MPP7: variants seen among roughly 807,000 people sequenced by gnomAD.
The protein encoded by MPP7 is MAGUK p55 scaffold protein 7, also known as MAGUK p55 subfamily member 7.
Under a neutral mutation model 76.5 loss-of-function variants are expected in MPP7, and 60 were observed. The ratio of observed to expected loss-of-function variants is 0.78; its 90% CI spans 0.64 to 0.97. The LOEUF is 0.97. Among genes scored for constraint, MPP7 ranks in the 50% least tolerant of loss-of-function variants. MPP7 has a pLI of 0.00. For synonymous variants in MPP7, 237 were observed against 244.5 expected, an observed-to-expected ratio of 0.97 and a Z score of 0.29; for missense variants, 641 against 694.0, an observed-to-expected ratio of 0.92 and a Z score of 0.86.
At chr10:28,081,166 T>A (rs1358268450) in intron 12 of MPP7, among the ~76,000 whole-genome samples, 1 of 152,218 alleles carries the variant, frequency 6.6e-6, no homozygotes, top group Non-Finnish European at 1.5e-5. Context: ...GTTTCTCTTG[T>A]ACCTCCCAGC....
At chr10:28,258,403 T>TATAA (rs1028327333) in intron 1 of MPP7, among the ~76,000 whole-genome samples, 1 of 146,538 alleles carries the variant, frequency 6.8e-6, no homozygotes, top group Non-Finnish European at 1.5e-5. Flanking sequence ...TATATATATA[T>TATAA]ATAAATTTTT....
At chr10:28,298,951 CCT>C (rs1348259555) in intron 1 of MPP7, among the ~76,000 whole-genome samples, 1 of 152,208 alleles carries the variant, frequency 6.6e-6, no homozygotes. Flanking sequence ...AACTTCCTTA[CCT>C]CTCTCAGCCT....
At chr10:28,062,849 A>T (rs1195979728) in intron 13 of MPP7, among the ~76,000 whole-genome samples, 1 of 152,160 alleles carries the variant, frequency 6.6e-6, no homozygotes, top group East Asian at 1.9e-4. Flanking sequence ...AAATAACTCG[A>T]AATGGGTCAA....
chr10:28,095,676 T>C (rs564351468), intron 11 of MPP7, among the ~76,000 whole-genome samples: 1 of 152,290 alleles, frequency 6.6e-6, no homozygotes, highest in Non-Finnish European at 1.5e-5. Context: ...AGAGGATTCT[T>C]TTAGATAAAT....
chr10:28,174,576 A>C (rs1490456481), intron 3 of MPP7, among the ~76,000 whole-genome samples: 3 of 152,138 alleles, frequency 2.0e-5, no homozygotes, highest in African/African-American at 7.2e-5. Flanking sequence ...GAGCCAAACA[A>C]ATTTTTCTTT....
At chr10:28,100,489 A>G (rs1164555027) in intron 11 of MPP7, among the ~76,000 whole-genome samples, 2 of 152,178 alleles carry the variant, frequency 1.3e-5, no homozygotes, top group Admixed American at 1.3e-4. Context: ...CAGCTTCCGT[A>G]TTGATCTTAC....
At chr10:28,262,229 A>ATATATATATG (rs1839996123) in intron 1 of MPP7, among the ~76,000 whole-genome samples, 6 of 51,180 alleles carry the variant, frequency 1.2e-4, no homozygotes, top group East Asian at 2.7e-3. Context: ...ATATATACAT[A>ATATATATATG]TATATATATA....
chr10:28,283,703 C>T (rs574612070), intron 1 of MPP7, among the ~76,000 whole-genome samples: 159 of 151,104 alleles, frequency 1.1e-3, no homozygotes, highest in Middle Eastern at 6.8e-3. Flanking sequence ...TTAGTAGAGA[C>T]GAGGTTTCTC....
At chr10:28,118,654 GT>G in intron 11 of MPP7, 6 of 985,256 alleles carry the variant, frequency 6.1e-6, no homozygotes, top group Non-Finnish European at 7.2e-6. Context: ...TGTGACAAGG[GT>G]TTTTTTCCTT....
intron 3 of MPP7, among the ~76,000 whole-genome samples, chr10:28,176,215 C>T (rs6481509): frequency 0.91 from 138,206 of 152,050 alleles, 62,867 homozygotes; most frequent in South Asian, 0.95. Context: ...GATTGCATCA[C>T]TGCAATTCTC....
At chr10:28,303,858 C>A (rs1564768181), upstream of MPP7, among the ~76,000 whole-genome samples, 1 of 152,098 alleles carries the variant, frequency 6.6e-6, no homozygotes, top group Non-Finnish European at 1.5e-5. Flanking sequence ...CATATGTGAC[C>A]GAGGTGCCCC....
chr10:28,172,750 T>C (rs1836726555), intron 3 of MPP7, among the ~76,000 whole-genome samples: 1 of 152,240 alleles, frequency 6.6e-6, no homozygotes, highest in South Asian at 2.1e-4. Context: ...AATTACACAT[T>C]TGCCAAAAAG....
intron 3 of MPP7, among the ~76,000 whole-genome samples, chr10:28,154,425 G>A (rs1458419382): frequency 6.6e-6 from 1 of 152,198 alleles, no homozygotes; most frequent in Non-Finnish European, 1.5e-5. Flanking sequence ...AGGAATCGCT[G>A]GGAGCAACTG....
intron 3 of MPP7, among the ~76,000 whole-genome samples, chr10:28,154,007 G>A (rs1835967317): frequency 1.3e-5 from 2 of 151,872 alleles, no homozygotes; most frequent in South Asian, 2.1e-4. Flanking sequence ...AAGATTCTGG[G>A]TACTAAAAAA....
chr10:28,331,195 AG>A (rs1462177942), intron 1 of MPP7, among the ~76,000 whole-genome samples: 1 of 152,180 alleles, frequency 6.6e-6, no homozygotes, highest in East Asian at 1.9e-4. Flanking sequence ...ATGTCTTCAG[AG>A]TCCATTTAGA....
At chr10:28,270,241 A>G (rs959078343) in intron 1 of MPP7, among the ~76,000 whole-genome samples, 2 of 152,226 alleles carry the variant, frequency 1.3e-5, no homozygotes, top group African/African-American at 4.8e-5. Flanking sequence ...ATCTCAGCAG[A>G]GAGAATTGCT....
chr10:28,054,132 A>C lies in MPP7; in HGVS notation c.1664T>G (p.Leu555Arg). The C allele has an allele frequency of 6.2e-7, 1 of 1,613,562 alleles. No homozygotes were observed. Among genetic ancestry groups the C allele is most frequent in the South Asian group, 1.1e-5 (1 of 91,026 alleles). Residue 555 changes from leucine (L) to arginine (R), a missense_variant, in exon 17 of 17, where the codon CTC becomes CGC. Transcript: ENST00000683449. ...NDDLTVAFNE[L>R]KTTFDKLETE... ...CTCTAATTTGTCAAAAGTTGTTTTGAGCTCATTGAATGCCACAGTGAGGTC... is the reference window on the plus strand; with the variant it reads ...CTCTAATTTGTCAAAAGTTGTTTTGCGCTCATTGAATGCCACAGTGAGGTC...
intron 5 of MPP7, 116 bp downstream of exon 5, chr10:28,147,367 T>C (rs1835741918): frequency 2.6e-6 from 2 of 760,004 alleles, no homozygotes; most frequent in Admixed American, 4.0e-5. Flanking sequence ...ATTAAAATAC[T>C]GTGCCCTATT....
At chr10:28,260,571 AGACCAGCCT>A (rs1208062424) in intron 1 of MPP7, among the ~76,000 whole-genome samples, 1 of 152,040 alleles carries the variant, frequency 6.6e-6, no homozygotes, top group Non-Finnish European at 1.5e-5. Flanking sequence ...GTCAGGAATG[AGACCAGCCT>A]GACCAACAGG....
Sources: allele counts gnomAD v4.1 joint callset (sites outside exome capture counted in the v4.1 genomes callset), GRCh38; gene constraint gnomAD v4.1.1; transcripts MANE v1.5; gene names NCBI Gene and HGNC (gene_info 2026-07-23, HGNC 2026-07-21).